The following RBFOX1 variants were observed in gnomAD, a reference collection of about 807,000 sequenced individuals.
RBFOX1 encodes the protein RNA binding protein fox-1 homolog 1.
Under a neutral mutation model 57.7 loss-of-function variants are expected in RBFOX1, and 8 were observed. That is an observed-to-expected ratio of 0.14 (90% confidence interval 0.08 to 0.25). The LOEUF is 0.25. Ranked by LOEUF, RBFOX1 falls within the 10% of genes least tolerant of loss-of-function variation. The pLI, the probability that RBFOX1 is intolerant of heterozygous loss-of-function variation, is 1.00. For synonymous variants in RBFOX1, 326 were observed against 222.4 expected (o/e 1.47, Z -4.15); for missense variants, 611 against 548.5 (o/e 1.11, Z -1.14).
intron 4 of RBFOX1, among the ~76,000 whole-genome samples, chr16:7,257,698 A>C (rs1173944798): frequency 6.6e-6 from 1 of 152,162 alleles, no homozygotes; most frequent in Non-Finnish European, 1.5e-5. Flanking sequence ...CTTTGTGGCC[A>C]GGAAATCTCT....
At chr16:7,536,121 C>T (rs2081408610) in intron 5 of RBFOX1, among the ~76,000 whole-genome samples, 1 of 152,186 alleles carries the variant, frequency 6.6e-6, no homozygotes, top group Admixed American at 6.5e-5. Context: ...ACTGTTTCTT[C>T]CATCTGCAAT....
chr16:5,390,503 G>C (rs2066377610), intron 1 of RBFOX1, among the ~76,000 whole-genome samples: 1 of 151,968 alleles, frequency 6.6e-6, no homozygotes, highest in African/African-American at 2.4e-5. Context: ...TGGCCAGGCT[G>C]GTCTCGAAGT....
intron 2 of RBFOX1, among the ~76,000 whole-genome samples, chr16:6,623,467 A>T (rs142137176): frequency 0.021 from 3,067 of 149,404 alleles, 106 homozygotes; most frequent in African/African-American, 0.072. Context: ...ATTATACTTT[A>T]AGTTTTAGGG....
chr16:6,872,173 G>C (rs562640664), intron 3 of RBFOX1, among the ~76,000 whole-genome samples: 2 of 152,046 alleles, frequency 1.3e-5, no homozygotes, highest in Non-Finnish European at 2.9e-5. Flanking sequence ...GCAGTACTAC[G>C]TCTGTCTTAG....
chr16:7,334,243 C>A (rs985236112), intron 4 of RBFOX1, among the ~76,000 whole-genome samples: 1 of 152,056 alleles, frequency 6.6e-6, no homozygotes, highest in African/African-American at 2.4e-5. Context: ...TATGGCCGTT[C>A]CTCTGTTTGG....
chr16:7,417,019 G>C (rs1457314578), intron 4 of RBFOX1, among the ~76,000 whole-genome samples: 1 of 151,942 alleles, frequency 6.6e-6, no homozygotes, highest in East Asian at 1.9e-4. Context: ...CTTACACTTT[G>C]CCTAAATTTT....
At chr16:5,680,187 G>A (rs1014039444) in intron 3 of RBFOX1, among the ~76,000 whole-genome samples, 2 of 152,198 alleles carry the variant, frequency 1.3e-5, no homozygotes, top group African/African-American at 4.8e-5. Flanking sequence ...TGTGCTTGCA[G>A]GGGCATTGCT....
intron 3 of RBFOX1, among the ~76,000 whole-genome samples, chr16:6,774,492 A>G (rs2078994406): frequency 6.6e-6 from 1 of 152,208 alleles, no homozygotes; most frequent in Admixed American, 6.5e-5. Flanking sequence ...GCTACCAAGC[A>G]TGAATTCTGA....
At chr16:5,536,461 C>G (rs4072293) in intron 2 of RBFOX1, among the ~76,000 whole-genome samples, 4 of 151,922 alleles carry the variant, frequency 2.6e-5, no homozygotes, top group African/African-American at 9.7e-5. Context: ...ATCTTGAACT[C>G]CTGACCTCAG....
At chr16:7,548,509 A>G (rs76208214) in intron 5 of RBFOX1, among the ~76,000 whole-genome samples, 11,804 of 152,270 alleles carry the variant, frequency 0.078, 639 homozygotes, top group East Asian at 0.25. Context: ...CTGGGAATAC[A>G]GAGGTGAATG....
At chr16:5,530,367 C>T (rs1329153077) in intron 2 of RBFOX1, among the ~76,000 whole-genome samples, 1 of 152,122 alleles carries the variant, frequency 6.6e-6, no homozygotes, top group Non-Finnish European at 1.5e-5. Flanking sequence ...TTTAAGGATA[C>T]AGAATCAGGG....
chr16:6,643,477 C>T (rs1209261256), intron 2 of RBFOX1, among the ~76,000 whole-genome samples: 1 of 152,100 alleles, frequency 6.6e-6, no homozygotes, highest in African/African-American at 2.4e-5. Context: ...AACACAGACT[C>T]TGAAGAATTC....
At chr16:5,328,298 C>T (rs945716153) in intron 1 of RBFOX1, among the ~76,000 whole-genome samples, 3 of 152,112 alleles carry the variant, frequency 2.0e-5, no homozygotes, top group African/African-American at 7.2e-5. Context: ...TTTTGACACA[C>T]GAAGAGACTG....
chr16:6,218,558 C>T (rs1459377975), intron 1 of RBFOX1, among the ~76,000 whole-genome samples: 3 of 152,140 alleles, frequency 2.0e-5, no homozygotes, highest in African/African-American at 7.2e-5. Flanking sequence ...GATCCTCCCA[C>T]CTCGGCCTCC....
chr16:6,236,684 C>A (rs1160978314), intron 1 of RBFOX1, among the ~76,000 whole-genome samples: 1 of 152,042 alleles, frequency 6.6e-6, no homozygotes, highest in Non-Finnish European at 1.5e-5. Context: ...CTCCTGAGCT[C>A]GGATGATCCA....
chr16:6,695,226 C>G (rs1242302147), intron 3 of RBFOX1, among the ~76,000 whole-genome samples: 1 of 151,912 alleles, frequency 6.6e-6, no homozygotes, highest in Non-Finnish European at 1.5e-5. Context: ...TTGAGACCAG[C>G]TTGGCCAACA....
chr16:6,122,981 A>G (rs746128847), intron 1 of RBFOX1, among the ~76,000 whole-genome samples: 6 of 152,214 alleles, frequency 3.9e-5, no homozygotes, highest in South Asian at 2.1e-4. Context: ...ACTATTGGAA[A>G]TATGTAAACT....
intron 2 of RBFOX1, among the ~76,000 whole-genome samples, chr16:6,368,749 G>A (rs1163093522): frequency 6.6e-6 from 1 of 152,158 alleles, no homozygotes; most frequent in Non-Finnish European, 1.5e-5. Context: ...CACATGACAG[G>A]CACATCAATA....
At position 7,244,287 on chromosome 16, in the gene RBFOX1, C is replaced by G. The variant is rs1464602172; in HGVS notation, c.27+192189C>G. On this transcript the variant is annotated intron_variant, in intron 4 of 15. Transcript: ENST00000550418. ...AAAAAAAAAACACCCTTGGGCTTTT[C>G]ATTAACTACACTTCAGTCCTTGAGA... Among the ~76,000 whole-genome samples, 3 of 141,016 alleles carry G rather than the reference C, an allele frequency of 2.1e-5. No homozygotes were observed. The East Asian group carries it at 6.5e-4, about 30-fold the overall frequency. The allele number at this position is 141,016 out of a possible 152,430, so 92.5% of individuals were successfully genotyped here.
Sources: gnomAD v4.1 joint callset for allele counts (sites outside exome capture counted in the v4.1 genomes callset) on GRCh38, gnomAD v4.1.1 for gene constraint, MANE v1.5 for transcripts, NCBI Gene and HGNC (gene_info 2026-07-23, HGNC 2026-07-21) for gene names.